DYM: variants seen among roughly 807,000 people sequenced by gnomAD.
DYM encodes dymeclin, also known as dyggve-Melchior-Clausen syndrome protein.
DYM carries 78 observed loss-of-function variants against 93.1 expected under a neutral mutation model. The observed-to-expected ratio is 0.84, with a 90% CI of 0.70 to 1.01. DYM has a LOEUF of 1.01. DYM is among the 50% of genes least tolerant of loss of function. The pLI is 0.00. For missense variants in DYM, 789 were observed against 845.0 expected (o/e 0.93, Z 0.82); for synonymous variants, 321 against 319.7 (o/e 1.00, Z -0.04).
At chr18:49,181,667 A>C (rs1356326997) in intron 14 of DYM, among the ~76,000 whole-genome samples, 1 of 152,148 alleles carries the variant, frequency 6.6e-6, no homozygotes, top group Non-Finnish European at 1.5e-5. Context: ...AGGGATACCT[A>C]ATCTGTGTAA....
intron 2 of DYM, among the ~76,000 whole-genome samples, chr18:49,393,300 C>T (rs1449011758): frequency 6.6e-6 from 1 of 152,092 alleles, no homozygotes; most frequent in Non-Finnish European, 1.5e-5. Flanking sequence ...AAATTACCAT[C>T]CGGGTAGATA....
intron 15 of DYM, among the ~76,000 whole-genome samples, chr18:49,143,527 G>A (rs1000267709): frequency 2.0e-5 from 3 of 152,072 alleles, no homozygotes; most frequent in Admixed American, 2.0e-4. Flanking sequence ...TGGCAAGCCG[G>A]ATATTGGTCT....
At chr18:49,220,875 C>G (rs2093321851) in intron 13 of DYM, among the ~76,000 whole-genome samples, 1 of 152,184 alleles carries the variant, frequency 6.6e-6, no homozygotes, top group Admixed American at 6.5e-5. Flanking sequence ...ACACCAAAAG[C>G]AATGGCAACA....
intron 16 of DYM, among the ~76,000 whole-genome samples, chr18:49,111,764 C>CT (rs1268822704): frequency 6.6e-6 from 1 of 152,146 alleles, no homozygotes; most frequent in Non-Finnish European, 1.5e-5. Context: ...GCAGATGCTG[C>CT]TGCTTGTTAC....
At position 49,369,733 on chromosome 18, in the gene DYM, A is replaced by G. The variant is rs566076361; in HGVS notation, c.422-6500T>C. On this transcript the variant is annotated intron_variant, in intron 5 of 17. Transcript: ENST00000675505. ...CTATGCTTGAGAATAAGTCCCACAAAATAATTTTTTAAAAATAAGTTTATA... is the reference window on the plus strand; with the variant it reads ...CTATGCTTGAGAATAAGTCCCACAAGATAATTTTTTAAAAATAAGTTTATA... Among the ~76,000 whole-genome samples the G allele has an allele frequency of 2.9e-5, 4 of 135,684 alleles. No individual in the cohort carries two copies. The South Asian group carries it at 1.0e-3, about 35-fold the overall frequency. The allele number at this position is 135,684 out of a possible 152,430, so 89.0% of individuals were successfully genotyped here.
At chr18:49,279,358 A>G (rs1029434637) in intron 10 of DYM, among the ~76,000 whole-genome samples, 2 of 152,256 alleles carry the variant, frequency 1.3e-5, no homozygotes, top group African/African-American at 4.8e-5. Context: ...CAAAGACTGC[A>G]GAATAAAAGA....
chr18:49,166,120 C>T (rs903971921), intron 14 of DYM, among the ~76,000 whole-genome samples: 2 of 152,076 alleles, frequency 1.3e-5, no homozygotes, highest in African/African-American at 4.8e-5. Flanking sequence ...CCATACTTTC[C>T]ACTCATCGTT....
At chr18:49,348,244 G>A (rs1024330129) in intron 6 of DYM, among the ~76,000 whole-genome samples, 2 of 152,156 alleles carry the variant, frequency 1.3e-5, no homozygotes, top group African/African-American at 2.4e-5. Context: ...CAACTGACAA[G>A]TTCAAAGGAT....
In DYM at chr18:49,393,076, G is replaced by A. The variant is rs72912553; in HGVS notation, c.141-1431C>T. On this transcript the variant is annotated intron_variant, in intron 2 of 17. Coordinates refer to ENST00000675505, the MANE Select transcript of DYM (RefSeq NM_001353214.3). ...GGGAGGAGGGGAGGAGGAGGAGGAG[G>A]AAAGAAGGGAGGGAGGGAAGGAAGG... Among the ~76,000 whole-genome samples the A allele has an allele frequency of 6.6e-4, 55 of 82,800 alleles. 3 individuals carry two copies. The highest frequency in any genetic ancestry group is 1.3e-3 in the South Asian group (3 of 2,308). 54.3% of individuals were successfully genotyped at this position (82,800 alleles called of 152,430 possible).
At chr18:49,066,488 C>T (rs533533813) in intron 17 of DYM, among the ~76,000 whole-genome samples, 2 of 152,242 alleles carry the variant, frequency 1.3e-5, no homozygotes, top group South Asian at 4.1e-4. Flanking sequence ...CCTGAATGTA[C>T]CACAACTTAT....
At chr18:49,310,777 A>G (rs1331760895) in intron 8 of DYM, among the ~76,000 whole-genome samples, 1 of 152,190 alleles carries the variant, frequency 6.6e-6, no homozygotes, top group East Asian at 1.9e-4. Flanking sequence ...GCTTAAGAGG[A>G]TTACAGTTGA....
At chr18:49,377,127 T>C (rs2067572941) in intron 5 of DYM, among the ~76,000 whole-genome samples, 1 of 152,236 alleles carries the variant, frequency 6.6e-6, no homozygotes, top group African/African-American at 2.4e-5. Flanking sequence ...AAATGTAACA[T>C]AATACCTTAA....
At chr18:49,196,763 A>G (rs1269349201) in intron 14 of DYM, among the ~76,000 whole-genome samples, 1 of 152,178 alleles carries the variant, frequency 6.6e-6, no homozygotes, top group South Asian at 2.1e-4. Context: ...AAGTCACTAA[A>G]GGGTTGAGCA....
chr18:49,374,198 G>GA (rs2067282361), intron 5 of DYM, among the ~76,000 whole-genome samples: 1 of 151,994 alleles, frequency 6.6e-6, no homozygotes, highest in African/African-American at 2.4e-5. Flanking sequence ...TTCTCTCCTA[G>GA]AAAAAAATAA....
At chr18:49,381,611 T>C (rs1391816383) in intron 3 of DYM, among the ~76,000 whole-genome samples, 1 of 152,216 alleles carries the variant, frequency 6.6e-6, no homozygotes, top group Non-Finnish European at 1.5e-5. Context: ...CAAGTCATTC[T>C]TATTTAAATG....
At chr18:49,301,093 G>GT (rs1198311630) in intron 8 of DYM, among the ~76,000 whole-genome samples, 31 of 152,142 alleles carry the variant, frequency 2.0e-4, no homozygotes, top group African/African-American at 7.2e-4. Context: ...AGGGACACAT[G>GT]TAAGTATTTG....
At chr18:49,289,749 A>AG (rs1447998714) in intron 8 of DYM, among the ~76,000 whole-genome samples, 1 of 48,620 alleles carries the variant, frequency 2.1e-5, no homozygotes, top group African/African-American at 8.8e-5. Flanking sequence ...ATATATATAT[A>AG]TATATATATA....
At chr18:49,066,444 G>C (rs1001942106) in intron 17 of DYM, among the ~76,000 whole-genome samples, 1 of 152,208 alleles carries the variant, frequency 6.6e-6, no homozygotes, top group African/African-American at 2.4e-5. Context: ...GGGTTTGGCT[G>C]TGATTCATTC....
chr18:49,044,047 T>A lies in DYM; in HGVS notation c.*8A>T. The A allele has an allele frequency of 6.2e-7, 1 of 1,612,942 alleles. No homozygotes were observed. The highest frequency in any genetic ancestry group is 8.5e-7 in the Non-Finnish European group (1 of 1,179,992). The stretch of plus-strand genomic sequence containing the variant: ...CTGGAGGGGTCCGGGTGGGAGAGCA[T>A]CCTGCCCTCAGTCGGAATCCATGGT... On this transcript the variant is annotated 3_prime_UTR_variant, in exon 18 of 18. Transcript: ENST00000675505.
Sources: allele counts gnomAD v4.1 joint callset (sites outside exome capture counted in the v4.1 genomes callset), GRCh38; gene constraint gnomAD v4.1.1; transcripts MANE v1.5; gene names NCBI Gene and HGNC (gene_info 2026-07-23, HGNC 2026-07-21).